Variants in PDP1 observed in about 807,000 individuals in gnomAD.
PDP1 encodes the protein pyruvate dehydrogenase phosphatase catalytic subunit 1, also known as pyruvate dehyrogenase phosphatase catalytic subunit 1.
Under a neutral mutation model 37.1 loss-of-function variants are expected in PDP1, and 14 were observed. That is an observed-to-expected ratio of 0.38 (90% CI 0.25 to 0.59). PDP1 has a LOEUF of 0.59. Ranked by LOEUF, PDP1 falls within the 20% of genes least tolerant of loss-of-function variation. The probability of loss-of-function intolerance (pLI) is 0.67; values close to 1 mark genes in which losing one functional copy is unlikely to be tolerated. For synonymous variants in PDP1, 251 were observed against 243.3 expected, an observed-to-expected ratio of 1.03 and a Z score of -0.29; for missense variants, 544 against 655.3, an observed-to-expected ratio of 0.83 and a Z score of 1.85.
At position 93,923,157 on chromosome 8, in the gene PDP1, G is replaced by C; in HGVS notation, c.1098G>C (p.Lys366Asn). 1 of 1,614,206 alleles carries C rather than the reference G, an allele frequency of 6.2e-7. No individual in the cohort carries two copies. The change falls in exon 2 of 2, where the codon AAG becomes AAC. Residue 366 changes from lysine (K) to asparagine (N), a missense_variant. This residue lies in a region of PDP1 where 35 missense variants were observed against 36.1 expected (regional missense o/e 0.97). Transcript: ENST00000297598. This position sits in a 1 kb window ranked among gnomAD's most constrained non-coding sequence, Gnocchi z 4.3. ...VKFKWSIDLQ[K>N]RVIESGPDQL... Reference sequence around the variant, plus strand: ...TCAAATGGAGCATTGACCTTCAAAAGAGAGTGATAGAATCTGGCCCAGACC... The same window carrying C: ...TCAAATGGAGCATTGACCTTCAAAACAGAGTGATAGAATCTGGCCCAGACC...
At chr8:93,917,710 T>A in intron 1 of PDP1, 1 of 1,099,980 alleles carries the variant, frequency 9.1e-7, no homozygotes, top group African/African-American at 1.5e-5. Context: ...CACCCCTTTA[T>A]CCCTCCTCCA....
intron 1 of PDP1, chr8:93,919,221 C>A: frequency 1.5e-6 from 1 of 665,620 alleles, no homozygotes; most frequent in Non-Finnish European, 1.9e-6. Flanking sequence ...CAGTCAATTA[C>A]AAAAGTAGAA....
chr8:93,922,008 C>A lies in PDP1; in HGVS notation c.-44-8C>A. The A allele has an allele frequency of 6.4e-7, 1 of 1,560,976 alleles. No homozygotes were observed. Among genetic ancestry groups the A allele is most frequent in the Non-Finnish European group, 8.7e-7 (1 of 1,146,818 alleles). On this transcript the variant is annotated splice_region_variant and splice_polypyrimidine_tract_variant and intron_variant, in intron 1 of 1. Coordinates refer to ENST00000297598, the MANE Select transcript of PDP1 (RefSeq NM_018444.4). The surrounding 1 kb of genome is among the most constrained non-coding windows in gnomAD (Gnocchi z 4.0). ...CCTTTGTGTACATCTGTCTAATTTGCTGTCTAGGAATCCCAGTCAGAAGTT... is the reference window on the plus strand; with the variant it reads ...CCTTTGTGTACATCTGTCTAATTTGATGTCTAGGAATCCCAGTCAGAAGTT...
Position 93,923,784 on chromosome 8 carries a change from C to A in PDP1, c.*111C>A. On this transcript the variant is annotated 3_prime_UTR_variant, in exon 2 of 2. Coordinates refer to ENST00000297598, the MANE Select transcript of PDP1 (RefSeq NM_018444.4). The surrounding 1 kb of genome is among the most constrained non-coding windows in gnomAD (Gnocchi z 4.3). ...CCAGTTGGTCATTCTAAGCATTTAC[C>A]CTTTTGATACTCTAGCTAGTCAGGT... 1 of 928,596 alleles carries A rather than the reference C, an allele frequency of 1.1e-6. No individual in the cohort carries two copies. Among genetic ancestry groups the A allele is most frequent in the Non-Finnish European group, 1.8e-6 (1 of 569,418 alleles). 57.5% of individuals were successfully genotyped at this position (928,596 alleles called of 1,614,324 possible).
At chr8:93,921,063 T>C in intron 1 of PDP1, 1 of 972,174 alleles carries the variant, frequency 1.0e-6, no homozygotes, top group Non-Finnish European at 1.2e-6. Flanking sequence ...GCTACTGCAA[T>C]ACTTAAACTT....
In PDP1 at chr8:93,917,517, CCGGGCCGGGCAGGG is replaced by C. The variant is rs1372131426; in HGVS notation, c.-45+443_-45+456del. Among the ~76,000 whole-genome samples the C allele has an allele frequency of 5.3e-5, 8 of 151,764 alleles. No individual in the cohort carries two copies. In the East Asian group the frequency reaches 1.4e-3, roughly 26 times the overall value. ...TGAAACGGGCACCCCTGGGGCGGGG[CCGGGCCGGGCAGGG>C]CGGGGCGGGCAGCGGGCGGGGCTGC... On this transcript the variant is annotated intron_variant, in intron 1 of 1. Transcript: ENST00000297598.
At position 93,922,860 on chromosome 8, in the gene PDP1, G is replaced by A; in HGVS notation, c.801G>A (p.Val267=). ...TTCTCAACTACCTGGTGCTTCGAGT[G>A]GCATTTTCTGGAGCCACTGCTTGTG... ...NSFLNYLVLR[V]AFSGATACVA... The change falls in exon 2 of 2, where the codon GTG becomes GTA. Residue 267 remains valine, a synonymous_variant. Transcript: ENST00000297598. This position sits in a 1 kb window ranked among gnomAD's most constrained non-coding sequence, Gnocchi z 4.0. 5.6e-6 allele frequency: 9 copies of A among 1,614,222 alleles called. No homozygotes were observed. The highest frequency in any genetic ancestry group is 7.6e-6 in the Non-Finnish European group (9 of 1,180,040).
In PDP1 at chr8:93,922,682, A is replaced by G. The variant is rs753240948; in HGVS notation, c.623A>G (p.Tyr208Cys). The change falls in exon 2 of 2, where the codon TAC (tyrosine) becomes TGC (cysteine). Residue 208 changes from tyrosine (Y) to cysteine (C), a missense_variant. Tyr to Cys is a radical substitution (Grantham distance 194, BLOSUM62 -2). Transcript: ENST00000297598. The surrounding 1 kb of genome is among the most constrained non-coding windows in gnomAD (Gnocchi z 4.0). Reference sequence around the variant, plus strand: ...TTTAGTAAGGAGGCATCCAAATTGTACTTTAACAGCTTGAGGACTTACTGG... The same window carrying G: ...TTTAGTAAGGAGGCATCCAAATTGTGCTTTAACAGCTTGAGGACTTACTGG... ...DYFSKEASKL[Y>C]FNSLRTYWQE... 6.2e-7 allele frequency: 1 copy of G among 1,614,186 alleles called. No homozygotes were observed. Among genetic ancestry groups the G allele is most frequent in the Non-Finnish European group, 8.5e-7 (1 of 1,180,026 alleles).
intron 1 of PDP1, chr8:93,917,740 C>A (rs1810122344): frequency 1.4e-6 from 2 of 1,455,910 alleles, no homozygotes; most frequent in Admixed American, 4.0e-5. Flanking sequence ...CCCCCACCTC[C>A]CAGCCCATTC....
intron 1 of PDP1, chr8:93,920,764 C>A: frequency 1.2e-6 from 1 of 804,322 alleles, no homozygotes; most frequent in Non-Finnish European, 1.5e-6. Flanking sequence ...CATTTTTGGT[C>A]TTTTAAAATT....
In PDP1 at chr8:93,921,875, G is replaced by A. The variant is rs993349146; in HGVS notation, c.-44-141G>A. The A allele has an allele frequency of 8.2e-6, 5 of 609,658 alleles. No individual in the cohort carries two copies. The African/African-American group carries it at 9.2e-5, about 11-fold the overall frequency. The allele number at this position is 609,658 out of a possible 1,614,324, so 37.8% of individuals were successfully genotyped here. A position where few individuals can be genotyped will look rare whatever the true frequency, so the allele number is the denominator to read the frequency against. ...ACCCTGTAGAAATAGTACATGATGT[G>A]TGTATAAAATGTAGTACCTTCTAGC... On this transcript the variant is annotated intron_variant, in intron 1 of 1. Coordinates refer to ENST00000297598, the MANE Select transcript of PDP1 (RefSeq NM_018444.4).
In PDP1 at chr8:93,922,740, G is replaced by T; in HGVS notation, c.681G>T (p.Ser227=). 1.2e-6 allele frequency: 2 copies of T among 1,614,126 alleles called. No homozygotes were observed. The highest frequency in any genetic ancestry group is 1.7e-6 in the Non-Finnish European group (2 of 1,179,994). The change falls in exon 2 of 2, where the codon TCG becomes TCT. Residue 227 remains serine, a synonymous_variant. Transcript: ENST00000297598. The surrounding 1 kb of genome is among the most constrained non-coding windows in gnomAD (Gnocchi z 4.0). ...TTATAGACCTCAACACTGGTGAGTC[G>T]ACTGATATTGATGTTAAGGAGGCTC... ...QELIDLNTGE[S]TDIDVKEALI...
At chr8:93,919,204 C>G in intron 1 of PDP1, 1 of 769,200 alleles carries the variant, frequency 1.3e-6, no homozygotes, top group African/African-American at 1.9e-5. Context: ...AGATTTCATT[C>G]ATTTTGCAGT....
Position 93,925,453 on chromosome 8 carries a change from C to G in PDP1, c.*1780C>G, listed in dbSNP as rs1810406603. ...CTTTTAATGAAATATGTGGACTGCT[C>G]TAGCAAACCCTATTTTCAGCTACTA... On this transcript the variant is annotated 3_prime_UTR_variant, in exon 2 of 2. Transcript: ENST00000297598. The G allele has an allele frequency of 6.0e-6, 1 of 166,672 alleles. No homozygotes were observed. 10.3% of individuals were successfully genotyped at this position (166,672 alleles called of 1,614,324 possible). A position where few individuals can be genotyped will look rare whatever the true frequency, so the allele number is the denominator to read the frequency against.
rs774892672 is a variant in PDP1, at chr8:93,922,132, T to C, written c.73T>C (p.Cys25Arg). ...ACTGAGCAGGATCTATGGCACTGCATGTTACTGCCACCACAAACATCTCTG... is the reference window on the plus strand; with the variant it reads ...ACTGAGCAGGATCTATGGCACTGCACGTTACTGCCACCACAAACATCTCTG... ...CELSRIYGTA[C>R]YCHHKHLCCS... Residue 25 changes from cysteine (C) to arginine (R), a missense_variant, in exon 2 of 2, where the codon TGT becomes CGT. Around this residue, in one of 5 missense-constraint regions of PDP1, gnomAD observed 342 missense variants for 414.0 expected, o/e 0.83. Coordinates refer to ENST00000297598, the MANE Select transcript of PDP1 (RefSeq NM_018444.4). The surrounding 1 kb of genome is among the most constrained non-coding windows in gnomAD (Gnocchi z 4.0). 3.1e-6 allele frequency: 5 copies of C among 1,613,898 alleles called. No homozygotes were observed. Among genetic ancestry groups the C allele is most frequent in the African/African-American group, 1.3e-5 (1 of 74,932 alleles).
At chr8:93,917,136 C>T (rs1208553328) in intron 1 of PDP1, 57 bp downstream of exon 1, 1 of 443,144 alleles carries the variant, frequency 2.3e-6, no homozygotes, top group Non-Finnish European at 4.4e-6. Context: ...TCCACCCGTC[C>T]AAAGTTGTGA....
chr8:93,918,060 A>C, intron 1 of PDP1: 1 of 1,159,008 alleles, frequency 8.6e-7, no homozygotes, highest in Non-Finnish European at 1.2e-6. Flanking sequence ...ATAGATTGGA[A>C]AAAGGGACAA....
chr8:93,922,279 A>G lies in PDP1; in HGVS notation c.220A>G (p.Thr74Ala). 1 of 1,614,238 alleles carries G rather than the reference A, an allele frequency of 6.2e-7. No homozygotes were observed. Among genetic ancestry groups the G allele is most frequent in the Non-Finnish European group, 8.5e-7 (1 of 1,180,018 alleles). ...QYTQGRRYAS[T>A]PQKFYLTPPQ... ...CACCCAAGGAAGGAGATATGCTTCC[A>G]CACCACAGAAATTTTACCTCACACC... Residue 74 changes from threonine (T) to alanine (A), a missense_variant, in exon 2 of 2, where the codon ACA becomes GCA. Thr to Ala is a moderately conservative substitution (Grantham distance 58, BLOSUM62 0). Coordinates refer to ENST00000297598, the MANE Select transcript of PDP1 (RefSeq NM_018444.4). This position sits in a 1 kb window ranked among gnomAD's most constrained non-coding sequence, Gnocchi z 4.0.
chr8:93,925,360 G>T lies in PDP1; in HGVS notation c.*1687G>T. ...AAGTCAGCTTGGAACTTTTTTCCTG[G>T]GTAGTATTTGGGAGAGGGAAAGGCT... On this transcript the variant is annotated 3_prime_UTR_variant, in exon 2 of 2. Coordinates refer to ENST00000297598, the MANE Select transcript of PDP1 (RefSeq NM_018444.4). 1 of 165,686 alleles carries T rather than the reference G, an allele frequency of 6.0e-6. No homozygotes were observed. The allele number at this position is 165,686 out of a possible 1,614,324, so 10.3% of individuals were successfully genotyped here. A position where few individuals can be genotyped will look rare whatever the true frequency, so the allele number is the denominator to read the frequency against.
Sources: gnomAD v4.1 joint callset for allele counts (sites outside exome capture counted in the v4.1 genomes callset) on GRCh38, gnomAD v4.1.1 for gene constraint, gnomAD v4.1.1 regional missense constraint, Gnocchi (gnomAD v3.1) non-coding constraint, MANE v1.5 for transcripts, NCBI Gene and HGNC (gene_info 2026-07-23, HGNC 2026-07-21) for gene names.